PAGE2B: variants seen among roughly 807,000 people sequenced by gnomAD.
The protein encoded by PAGE2B is putative G antigen family E member 3.
Under a neutral mutation model 7.6 loss-of-function variants are expected in PAGE2B, and 5 were observed. That is an observed-to-expected ratio of 0.66 (90% CI 0.34 to 1.38). The LOEUF (loss-of-function observed/expected upper bound fraction) is 1.38. PAGE2B is among the 40% of genes most tolerant of loss of function. The pLI is 0.04. For synonymous variants in PAGE2B, 29 were observed against 26.7 expected (o/e 1.09, Z -0.27); for missense variants, 70 against 78.4 (o/e 0.89, Z 0.41).
chrX:55,031,161 T>C, the PAGE2B span: 1 of 249,355 alleles, frequency 4.0e-6, no homozygotes. Context: ...GGCTCTTCCC[T>C]ATTTTCTTCT....
chrX:55,039,944 C>T, the PAGE2B span, among the ~76,000 whole-genome samples: 1 of 110,960 alleles, frequency 9.0e-6, no homozygotes, highest in African/African-American at 3.3e-5. Flanking sequence ...TGTTTAAAAG[C>T]ATCAGGAAAA....
At chrX:55,047,539 G>A in the PAGE2B span, among the ~76,000 whole-genome samples, 1 of 111,677 alleles carries the variant, frequency 9.0e-6, no homozygotes, top group Non-Finnish European at 1.9e-5. Flanking sequence ...CACCAACAGT[G>A]TAAAAGTGTT....
chrX:55,077,504 T>G lies in PAGE2B; in HGVS notation c.299T>G (p.Leu100Arg). 3.3e-6 allele frequency: 4 copies of G among 1,211,988 alleles called. No individual in the cohort carries two copies. Among genetic ancestry groups the G allele is most frequent in the Non-Finnish European group, 4.5e-6 (4 of 895,492 alleles). Residue 100 changes from leucine (L) to arginine (R), a missense_variant, in exon 4 of 5, where the codon CTC becomes CGC. Transcript: ENST00000374971. ...VREGIMPTFD[L>R]TKVLEAGDAQ... Reference sequence around the variant, plus strand: ...GAGGGGATTATGCCCACTTTTGATCTCACTAAAGTGCTGGAAGCAGGTTTG... The same window carrying G: ...GAGGGGATTATGCCCACTTTTGATCGCACTAAAGTGCTGGAAGCAGGTTTG...
the PAGE2B span, among the ~76,000 whole-genome samples, chrX:55,068,129 C>G: frequency 8.9e-6 from 1 of 112,204 alleles, no homozygotes; most frequent in Non-Finnish European, 1.9e-5. Flanking sequence ...GAAGTCTTTG[C>G]CCATGCCAAT....
At chrX:55,065,969 GAAGAT>G in the PAGE2B span, among the ~76,000 whole-genome samples, 1 of 112,525 alleles carries the variant, frequency 8.9e-6, no homozygotes, top group East Asian at 2.8e-4. Context: ...TCTTTCTACT[GAAGAT>G]AAGAGTAGTT....
At chrX:55,056,132 T>G in the PAGE2B span, among the ~76,000 whole-genome samples, 1 of 111,135 alleles carries the variant, frequency 9.0e-6, no homozygotes, top group Non-Finnish European at 1.9e-5. Context: ...GGGGGGCATA[T>G]CCTTAGCTCT....
chrX:55,040,049 T>C, the PAGE2B span, among the ~76,000 whole-genome samples: 43 of 111,269 alleles, frequency 3.9e-4, no homozygotes, highest in East Asian at 6.1e-3. Context: ...TATTTTCTTT[T>C]TTTTTTTTTG....
chrX:55,033,057 A>T, the PAGE2B span, among the ~76,000 whole-genome samples: 2 of 111,010 alleles, frequency 1.8e-5, 1 homozygote, highest in Admixed American at 1.9e-4. Flanking sequence ...ACACTGTACT[A>T]CTGGCACCTT....
At chrX:55,035,840 G>A in the PAGE2B span, among the ~76,000 whole-genome samples, 1 of 112,153 alleles carries the variant, frequency 8.9e-6, no homozygotes, top group African/African-American at 3.2e-5. Context: ...TGTGAAGAAA[G>A]TCATTGGTAG....
chrX:55,068,516 T>C, the PAGE2B span, among the ~76,000 whole-genome samples: 3 of 112,216 alleles, frequency 2.7e-5, no homozygotes, highest in African/African-American at 9.7e-5. Flanking sequence ...GTCTTGGCTA[T>C]GAGGGCTCTT....
chrX:55,035,649 C>A, the PAGE2B span, among the ~76,000 whole-genome samples: 1 of 111,964 alleles, frequency 8.9e-6, no homozygotes, highest in African/African-American at 3.2e-5. Flanking sequence ...AGAACATCAG[C>A]CCTCGAGCCA....
the PAGE2B span, among the ~76,000 whole-genome samples, chrX:55,058,226 G>A: frequency 2.7e-5 from 3 of 110,318 alleles, no homozygotes; most frequent in African/African-American, 9.9e-5. Flanking sequence ...AGTTTAATTA[G>A]GGAGTAAAAA....
At chrX:55,068,461 T>C in the PAGE2B span, among the ~76,000 whole-genome samples, 4 of 111,901 alleles carry the variant, frequency 3.6e-5, no homozygotes, top group East Asian at 1.1e-3. Context: ...CAGTTTGAAG[T>C]CAGGTAGCAT....
chrX:55,069,793 T>G, the PAGE2B span, among the ~76,000 whole-genome samples: 7 of 111,706 alleles, frequency 6.3e-5, no homozygotes, highest in Admixed American at 9.5e-5. Flanking sequence ...GTCCAGGAAT[T>G]TATCCATTTC....
At chrX:55,047,875 C>G in the PAGE2B span, among the ~76,000 whole-genome samples, 4 of 112,097 alleles carry the variant, frequency 3.6e-5, no homozygotes, top group Non-Finnish European at 7.5e-5. Flanking sequence ...GTGTTTTAGA[C>G]ATGAAGTCCT....
the PAGE2B span, among the ~76,000 whole-genome samples, chrX:55,039,353 T>C: frequency 9.0e-6 from 1 of 111,233 alleles, no homozygotes. Context: ...TTAAAAGTAA[T>C]GTCTGCAGCA....
At chrX:55,055,002 T>C in the PAGE2B span, 1 of 111,303 alleles carries the variant, frequency 9.0e-6, no homozygotes. Context: ...ATATGAATAA[T>C]GTACATAAAA....
At chrX:55,057,573 G>A in the PAGE2B span, among the ~76,000 whole-genome samples, 1 of 110,825 alleles carries the variant, frequency 9.0e-6, no homozygotes, top group African/African-American at 3.3e-5. Context: ...GAGTCCTAAT[G>A]ATATTGCCTC....
At chrX:55,057,163 G>A in the PAGE2B span, among the ~76,000 whole-genome samples, 28 of 110,755 alleles carry the variant, frequency 2.5e-4, no homozygotes, top group South Asian at 7.0e-3. Context: ...AGGGGAGAGG[G>A]GATAAGGTAT....
Sources: gnomAD v4.1 joint callset for allele counts (sites outside exome capture counted in the v4.1 genomes callset) on GRCh38, gnomAD v4.1.1 for gene constraint, MANE v1.5 for transcripts, NCBI Gene and HGNC (gene_info 2026-07-23, HGNC 2026-07-21) for gene names.